The following PPFIA1 variants were observed in gnomAD, a reference collection of about 807,000 sequenced individuals.
PPFIA1 encodes PPFI scaffold protein A1, also known as liprin-alpha-1.
A neutral mutation model predicts 149.9 loss-of-function variants in PPFIA1; 25 were observed. That is an observed-to-expected ratio of 0.17 (90% CI 0.12 to 0.23). PPFIA1 has a LOEUF of 0.23. Ranked by LOEUF, PPFIA1 falls within the 10% of genes least tolerant of loss-of-function variation. The pLI is 1.00. For missense variants in PPFIA1, 1,362 were observed against 1,506.5 expected (o/e 0.90, Z 1.59); for synonymous variants, 549 against 552.8 (o/e 0.99, Z 0.10).
At chr11:70,332,973 G>A (rs753528173) in intron 9 of PPFIA1, 27 of 449,752 alleles carry the variant, frequency 6.0e-5, no homozygotes, top group East Asian at 3.5e-4. Flanking sequence ...TTAAAGTCTC[G>A]ATTTCTTTTC....
chr11:70,363,517 G>GT (rs1565450594), intron 21 of PPFIA1: 1 of 152,126 alleles, frequency 6.6e-6, no homozygotes, highest in Non-Finnish European at 1.5e-5. Context: ...ATTTATTTAA[G>GT]TTTTTTATTT....
chr11:70,348,180 T>G lies in PPFIA1; in HGVS notation c.1932-9T>G. 6.2e-7 allele frequency: 1 copy of G among 1,614,000 alleles called. No individual in the cohort carries two copies. Among genetic ancestry groups the G allele is most frequent in the East Asian group, 2.2e-5 (1 of 44,880 alleles). On this transcript the variant is annotated splice_polypyrimidine_tract_variant and intron_variant, in intron 15 of 27. Transcript: ENST00000253925. The stretch of plus-strand genomic sequence containing the variant: ...AACAGGAGGACTGACTGCTTTTGTT[T>G]TATTTTAGGTTGATTCAGGAAGAAA...
chr11:70,307,661 C>T (rs2052946805), intron 2 of PPFIA1, among the ~76,000 whole-genome samples: 1 of 152,170 alleles, frequency 6.6e-6, no homozygotes, highest in African/African-American at 2.4e-5. Context: ...GTGATCGCCC[C>T]TGTAGTCCTA....
chr11:70,372,686 A>T, intron 23 of PPFIA1, 112 bp downstream of exon 23: 1 of 794,522 alleles, frequency 1.3e-6, no homozygotes, highest in Non-Finnish European at 2.0e-6. Flanking sequence ...TTAAGTGGAG[A>T]AAACTAACTA....
intron 12 of PPFIA1, 38 bp from the exon 13 acceptor site, chr11:70,338,336 A>C: frequency 6.6e-7 from 1 of 1,508,186 alleles, no homozygotes. Context: ...AAAATCTAAA[A>C]GAGATAGCAG....
chr11:70,316,711 G>T (rs1338140001), intron 2 of PPFIA1, among the ~76,000 whole-genome samples: 1 of 152,212 alleles, frequency 6.6e-6, no homozygotes, highest in Non-Finnish European at 1.5e-5. Flanking sequence ...AGGCTCTGCT[G>T]CCCCTTTTCC....
At chr11:70,306,862 A>G (rs1445875160) in intron 2 of PPFIA1, among the ~76,000 whole-genome samples, 1 of 152,174 alleles carries the variant, frequency 6.6e-6, no homozygotes, top group Non-Finnish European at 1.5e-5. Context: ...TCACAAAAAA[A>G]CCCCTGAGCC....
At chr11:70,274,679 G>A (rs3133177) in intron 2 of PPFIA1, among the ~76,000 whole-genome samples, 69,166 of 151,836 alleles carry the variant, frequency 0.46, 18,149 homozygotes, top group African/African-American at 0.72. Context: ...GTTTTTACAC[G>A]TGCTCCCCTA....
chr11:70,321,693 G>A (rs1353846936), intron 2 of PPFIA1, among the ~76,000 whole-genome samples: 4 of 152,130 alleles, frequency 2.6e-5, no homozygotes, highest in African/African-American at 9.7e-5. Flanking sequence ...ATAGACTCTG[G>A]ACCAGACATA....
chr11:70,319,076 C>G (rs2053790893), intron 2 of PPFIA1, among the ~76,000 whole-genome samples: 1 of 152,232 alleles, frequency 6.6e-6, no homozygotes, highest in African/African-American at 2.4e-5. Context: ...CGTCCAAACC[C>G]AAACTTTTAC....
intron 2 of PPFIA1, among the ~76,000 whole-genome samples, chr11:70,295,127 G>T (rs1267214851): frequency 2.0e-5 from 3 of 151,892 alleles, no homozygotes; most frequent in East Asian, 3.9e-4. Context: ...CCCAGTAGGG[G>T]CGGCCGGGCA....
At chr11:70,302,107 G>C (rs2052524667) in intron 2 of PPFIA1, among the ~76,000 whole-genome samples, 1 of 152,204 alleles carries the variant, frequency 6.6e-6, no homozygotes, top group East Asian at 1.9e-4. Context: ...GCACAGGAAA[G>C]GAGCTGGCCA....
In PPFIA1 at chr11:70,348,266, A is replaced by G. The variant is rs200071935; in HGVS notation, c.2009A>G (p.Asp670Gly). The G allele has an allele frequency of 1.2e-4, 196 of 1,614,088 alleles. 1 individual carries two copies. The highest frequency in any genetic ancestry group is 1.6e-4 in the Non-Finnish European group (190 of 1,180,040). Residue 670 changes from aspartate (D) to glycine (G), a missense_variant, in exon 16 of 28, where the codon GAC becomes GGC. Coordinates refer to ENST00000253925, the MANE Select transcript of PPFIA1 (RefSeq NM_003626.5). ...IESRVGSGSLDNLGRFRSMSS... is the reference protein window; with the variant it reads ...IESRVGSGSLGNLGRFRSMSS... ...AGTCGAGTTGGCAGTGGAAGTCTAGACAATCTTGGTCGTTTTAGATCAATG... is the reference window on the plus strand; with the variant it reads ...AGTCGAGTTGGCAGTGGAAGTCTAGGCAATCTTGGTCGTTTTAGATCAATG...
rs1254141487 is a variant in PPFIA1, at chr11:70,377,938, G to A, written c.3385-92G>A. 11 of 997,108 alleles carry A rather than the reference G, an allele frequency of 1.1e-5. No homozygotes were observed. In the South Asian group the frequency reaches 1.3e-4, roughly 11 times the overall value. 61.8% of individuals were successfully genotyped at this position (997,108 alleles called of 1,614,324 possible). Reference sequence around the variant, plus strand: ...TACATGTGGACAAGAATACATTCTCGAGATCAGCAGTCATTTTAAAGGACA... The same window carrying A: ...TACATGTGGACAAGAATACATTCTCAAGATCAGCAGTCATTTTAAAGGACA... On this transcript the variant is annotated intron_variant, in intron 25 of 27. Coordinates refer to ENST00000253925, the MANE Select transcript of PPFIA1 (RefSeq NM_003626.5).
chr11:70,307,442 C>T (rs1055326433), intron 2 of PPFIA1, among the ~76,000 whole-genome samples: 22 of 151,766 alleles, frequency 1.4e-4, no homozygotes, highest in African/African-American at 5.3e-4. Context: ...AAAGCAAGGG[C>T]GAAAGAATAG....
At chr11:70,335,808 G>A in intron 11 of PPFIA1, 114 bp downstream of exon 11, 2 of 1,253,208 alleles carry the variant, frequency 1.6e-6, no homozygotes, top group Admixed American at 2.1e-5. Flanking sequence ...CCGAAAATGG[G>A]AATTATTCTT....
At chr11:70,292,804 G>A (rs1031583915) in intron 2 of PPFIA1, among the ~76,000 whole-genome samples, 7 of 152,172 alleles carry the variant, frequency 4.6e-5, no homozygotes, top group Non-Finnish European at 8.8e-5. Context: ...TTGAATCCAA[G>A]CAGTCTGACT....
chr11:70,342,193 A>T (rs1348192639), intron 14 of PPFIA1: 1 of 152,544 alleles, frequency 6.6e-6, no homozygotes, highest in East Asian at 1.9e-4. Flanking sequence ...AGCTAGTGGA[A>T]CTTGCTTATC....
chr11:70,344,038 T>A (rs1419655544), intron 15 of PPFIA1, 146 bp downstream of exon 15: 4 of 828,828 alleles, frequency 4.8e-6, no homozygotes, highest in Non-Finnish European at 7.4e-6. Context: ...GTTTTAAGAA[T>A]TTTAAGGTCT....
Sources: allele counts gnomAD v4.1 joint callset (sites outside exome capture counted in the v4.1 genomes callset), GRCh38; gene constraint gnomAD v4.1.1; transcripts MANE v1.5; gene names NCBI Gene and HGNC (gene_info 2026-07-23, HGNC 2026-07-21).